Variants in MYO3B observed in about 807,000 individuals in gnomAD.
MYO3B encodes the protein myosin-IIIb.
MYO3B carries 156 observed loss-of-function variants against 174.6 expected under a neutral mutation model. The observed-to-expected ratio is 0.89, with a 90% confidence interval of 0.78 to 1.02. The LOEUF is 1.02. Ranked by LOEUF, MYO3B falls within the 50% of genes least tolerant of loss-of-function variation. MYO3B has a pLI of 0.00. For synonymous variants in MYO3B, 563 were observed against 569.1 expected (o/e 0.99, Z 0.15); for missense variants, 1,632 against 1,639.4 (o/e 1.00, Z 0.08).
intron 25 of MYO3B, among the ~76,000 whole-genome samples, chr2:170,479,470 CAT>C (rs1463224497): frequency 7.0e-6 from 1 of 143,742 alleles, no homozygotes; most frequent in Non-Finnish European, 1.5e-5. Flanking sequence ...TATACACACA[CAT>C]ATATTTTAAA....
chr2:170,382,302 C>T (rs758975119), intron 10 of MYO3B, 190 bp downstream of exon 10: 1 of 446,452 alleles, frequency 2.2e-6, no homozygotes, highest in East Asian at 3.0e-5. Context: ...TTTAGATAGC[C>T]CCTAGAATGA....
chr2:170,602,038 G>A lies in MYO3B; in HGVS notation c.3734-49590G>A, dbSNP rs55936824. 5,270 of 912,758 alleles carry A rather than the reference G, an allele frequency of 5.8e-3. 32 individuals are homozygous for A. Among genetic ancestry groups the A allele is most frequent in the Non-Finnish European group, 8.2e-3 (4,463 of 541,096 alleles). The allele number at this position is 912,758 out of a possible 1,614,324, so 56.5% of individuals were successfully genotyped here. A position where few individuals can be genotyped will look rare whatever the true frequency, so the allele number is the denominator to read the frequency against. On this transcript the variant is annotated intron_variant, in intron 32 of 34. Coordinates refer to ENST00000408978, the MANE Select transcript of MYO3B (RefSeq NM_138995.5). ...TTCATAACGGTCTTTGTCCACCTTT[G>A]CCATATCTTCAAATTTTCCTTTATC...
intron 32 of MYO3B, among the ~76,000 whole-genome samples, chr2:170,645,775 T>C (rs1355410008): frequency 1.3e-5 from 2 of 152,250 alleles, no homozygotes; most frequent in African/African-American, 4.8e-5. Flanking sequence ...TCTTAATGCA[T>C]GTACAAGCAT....
Position 170,583,077 on chromosome 2 carries a change from C to T in MYO3B, c.3733+39089C>T, listed in dbSNP as rs141485095. The stretch of plus-strand genomic sequence containing the variant: ...CCCCACCGCCTGACACCCCGCACAC[C>T]CCCCACTGCAGCCCCTCCACCCCCT... On this transcript the variant is annotated intron_variant, in intron 32 of 34. Transcript: ENST00000408978. 2.5e-3 allele frequency among the ~76,000 whole-genome samples: 377 copies of T among 151,388 alleles called. 1 individual carries two copies. The highest frequency in any genetic ancestry group is 0.014 in the Middle Eastern group (4 of 294).
intron 32 of MYO3B, among the ~76,000 whole-genome samples, chr2:170,545,382 G>T (rs1481341446): frequency 1.3e-5 from 2 of 152,164 alleles, no homozygotes; most frequent in African/African-American, 4.8e-5. Flanking sequence ...TAAGTAAAAG[G>T]CATAGCATAG....
chr2:170,610,091 C>CT (rs1695043098), intron 32 of MYO3B, among the ~76,000 whole-genome samples: 1 of 152,230 alleles, frequency 6.6e-6, no homozygotes, highest in African/African-American at 2.4e-5. Flanking sequence ...AATCCCAGCA[C>CT]TTTAGGAGGC....
At chr2:170,257,038 C>T (rs2093310474) in intron 7 of MYO3B, among the ~76,000 whole-genome samples, 1 of 151,974 alleles carries the variant, frequency 6.6e-6, no homozygotes, top group Admixed American at 6.6e-5. Flanking sequence ...GATTCAATTC[C>T]TCAGAAATAA....
intron 23 of MYO3B, among the ~76,000 whole-genome samples, chr2:170,446,370 A>G (rs755647034): frequency 2.0e-5 from 3 of 152,076 alleles, no homozygotes; most frequent in Non-Finnish European, 4.4e-5. Flanking sequence ...CTACTGGACT[A>G]AGGCATATCC....
intron 6 of MYO3B, among the ~76,000 whole-genome samples, chr2:170,217,900 G>A (rs2092848727): frequency 6.6e-6 from 1 of 152,144 alleles, no homozygotes. Context: ...TTTAGGTTTG[G>A]CATCATCACA....
chr2:170,280,444 C>G (rs555282609), intron 7 of MYO3B, among the ~76,000 whole-genome samples: 1 of 151,838 alleles, frequency 6.6e-6, no homozygotes, highest in Non-Finnish European at 1.5e-5. Context: ...TTTCTTTTGC[C>G]GTGCGGAAGC....
At chr2:170,225,927 C>T (rs2092947478) in intron 6 of MYO3B, among the ~76,000 whole-genome samples, 1 of 152,178 alleles carries the variant, frequency 6.6e-6, no homozygotes, top group South Asian at 2.1e-4. Context: ...CTCTGCTTAG[C>T]CTGTTCTCAT....
At chr2:170,220,106 A>C (rs6750448) in intron 6 of MYO3B, among the ~76,000 whole-genome samples, 66,854 of 151,388 alleles carry the variant, frequency 0.44, 15,326 homozygotes, top group Non-Finnish European at 0.51. Context: ...AAAATACAAA[A>C]AATTAGCTGG....
chr2:170,413,762 G>T lies in MYO3B; in HGVS notation c.2650+5918G>T, dbSNP rs1347035369. ...TTGTTGAAATAACTATCCTTAGGCCGGGTGCGGTGGCTCATGCCTGTAATC... is the reference window on the plus strand; with the variant it reads ...TTGTTGAAATAACTATCCTTAGGCCTGGTGCGGTGGCTCATGCCTGTAATC... On this transcript the variant is annotated intron_variant, in intron 22 of 34. Transcript: ENST00000408978. Among the ~76,000 whole-genome samples the T allele has an allele frequency of 3.3e-5, 5 of 151,264 alleles. No homozygotes were observed. The East Asian group carries it at 9.7e-4, about 29-fold the overall frequency.
At chr2:170,510,176 A>G (rs999227561) in intron 28 of MYO3B, among the ~76,000 whole-genome samples, 5 of 152,206 alleles carry the variant, frequency 3.3e-5, no homozygotes, top group Admixed American at 2.0e-4. Context: ...AATGGTTGTG[A>G]AAAGTCCCTC....
intron 8 of MYO3B, among the ~76,000 whole-genome samples, chr2:170,339,948 C>T (rs1034756286): frequency 6.6e-6 from 1 of 152,166 alleles, no homozygotes; most frequent in Non-Finnish European, 1.5e-5. Context: ...ATTATCAGCC[C>T]TTTCCCCTAC....
chr2:170,270,475 A>G (rs2093417655), intron 7 of MYO3B, among the ~76,000 whole-genome samples: 1 of 152,198 alleles, frequency 6.6e-6, no homozygotes, highest in South Asian at 2.1e-4. Flanking sequence ...CTCTGGACGC[A>G]GCTGGCTTAG....
intron 32 of MYO3B, chr2:170,640,305 A>G (rs911100204): frequency 2.6e-5 from 4 of 152,240 alleles, no homozygotes; most frequent in Non-Finnish European, 5.9e-5. Flanking sequence ...AACAAGAAAT[A>G]CAACAGCCCC....
At chr2:170,637,400 T>C (rs1357698992) in intron 32 of MYO3B, among the ~76,000 whole-genome samples, 1 of 152,122 alleles carries the variant, frequency 6.6e-6, no homozygotes, top group African/African-American at 2.4e-5. Context: ...CTTAAACTCC[T>C]GGCCTCAAGT....
chr2:170,373,373 C>T (rs1428946192), intron 9 of MYO3B, among the ~76,000 whole-genome samples: 1 of 152,238 alleles, frequency 6.6e-6, no homozygotes, highest in Admixed American at 6.5e-5. Context: ...AAAGAGAGTT[C>T]TTCAATGGTC....
Sources: gnomAD v4.1 joint callset for allele counts (sites outside exome capture counted in the v4.1 genomes callset) on GRCh38, gnomAD v4.1.1 for gene constraint, MANE v1.5 for transcripts, NCBI Gene and HGNC (gene_info 2026-07-23, HGNC 2026-07-21) for gene names.